Variants in TSHZ2 observed in about 807,000 individuals in gnomAD.
The protein encoded by TSHZ2 is teashirt zinc finger homeobox 2.
TSHZ2 carries 21 observed loss-of-function variants against 74.4 expected under a neutral mutation model. That is an observed-to-expected ratio of 0.28 (90% CI 0.20 to 0.41). TSHZ2 has a LOEUF of 0.41. Among genes scored for constraint, TSHZ2 ranks in the 10% least tolerant of loss-of-function variants. The pLI, the probability that TSHZ2 is intolerant of heterozygous loss-of-function variation, is 1.00. For missense variants in TSHZ2, 1,244 were observed against 1,293.5 expected, an observed-to-expected ratio of 0.96 and a Z score of 0.59; for synonymous variants, 540 against 515.3, an observed-to-expected ratio of 1.05 and a Z score of -0.65.
intron 1 of TSHZ2, among the ~76,000 whole-genome samples, chr20:53,026,664 A>G (rs781061789): frequency 3.4e-4 from 51 of 152,190 alleles, no homozygotes; most frequent in Non-Finnish European, 6.0e-4. Flanking sequence ...TCACATCCAC[A>G]CATGGTATGC....
chr20:53,265,032 C>G (rs1990683332), intron 2 of TSHZ2, among the ~76,000 whole-genome samples: 1 of 152,142 alleles, frequency 6.6e-6, no homozygotes, highest in African/African-American at 2.4e-5. Context: ...CGAGAGCAGG[C>G]CTGGTGGATC....
At chr20:53,250,346 C>G (rs1375502365) in intron 1 of TSHZ2, among the ~76,000 whole-genome samples, 2 of 152,200 alleles carry the variant, frequency 1.3e-5, no homozygotes, top group Admixed American at 1.3e-4. Context: ...GTCATCAATA[C>G]AGAGAGAGAC....
At chr20:52,979,246 C>T (rs575739992) in intron 1 of TSHZ2, among the ~76,000 whole-genome samples, 4 of 151,718 alleles carry the variant, frequency 2.6e-5, no homozygotes, top group African/African-American at 7.3e-5. Flanking sequence ...CTGAGAAGAA[C>T]GTTTAGAGAT....
At chr20:53,381,736 C>T (rs117749005) in intron 2 of TSHZ2, among the ~76,000 whole-genome samples, 6 of 152,228 alleles carry the variant, frequency 3.9e-5, no homozygotes, top group African/African-American at 9.6e-5. Context: ...GAGAAATTGG[C>T]GATTTGTCTG....
chr20:53,114,138 C>T (rs1986607804), intron 1 of TSHZ2, among the ~76,000 whole-genome samples: 2 of 151,658 alleles, frequency 1.3e-5, no homozygotes, highest in Admixed American at 1.3e-4. Flanking sequence ...GGTCCATACA[C>T]ATTTCTGGAG....
At chr20:53,187,166 C>T (rs1358281862) in intron 1 of TSHZ2, among the ~76,000 whole-genome samples, 1 of 152,110 alleles carries the variant, frequency 6.6e-6, no homozygotes, top group Non-Finnish European at 1.5e-5. Flanking sequence ...GGCTACACAT[C>T]GCTGGTGAAA....
intron 1 of TSHZ2, among the ~76,000 whole-genome samples, chr20:53,057,869 C>T (rs1984692766): frequency 6.6e-6 from 1 of 152,136 alleles, no homozygotes; most frequent in African/African-American, 2.4e-5. Flanking sequence ...GATTTGAGGA[C>T]ATGGACAGAA....
At chr20:53,106,977 C>T (rs933229610) in intron 1 of TSHZ2, among the ~76,000 whole-genome samples, 6 of 152,278 alleles carry the variant, frequency 3.9e-5, no homozygotes, top group Non-Finnish European at 5.9e-5. Context: ...GGATTACAGG[C>T]GTGAGCCACC....
At chr20:53,091,242 T>C (rs560902026) in intron 1 of TSHZ2, among the ~76,000 whole-genome samples, 11 of 152,362 alleles carry the variant, frequency 7.2e-5, no homozygotes, top group Admixed American at 2.0e-4. Context: ...AGTGAGTTTA[T>C]GTAAAGCCTG....
chr20:53,116,706 C>G (rs569305279), intron 1 of TSHZ2, among the ~76,000 whole-genome samples: 61 of 152,218 alleles, frequency 4.0e-4, no homozygotes, highest in Non-Finnish European at 6.5e-4. Flanking sequence ...TACTTGAGAC[C>G]CTATGTCCTC....
intron 1 of TSHZ2, among the ~76,000 whole-genome samples, chr20:53,221,222 C>A (rs567880792): frequency 1.3e-4 from 9 of 67,902 alleles, no homozygotes; most frequent in South Asian, 8.8e-4. Flanking sequence ...ATTGTGAGGC[C>A]CCCCCCGCCA....
At chr20:53,111,606 CT>C (rs1986536478) in intron 1 of TSHZ2, among the ~76,000 whole-genome samples, 1 of 152,194 alleles carries the variant, frequency 6.6e-6, no homozygotes, top group Admixed American at 6.5e-5. Flanking sequence ...TCCAGCACAT[CT>C]GCAGAGAAGA....
In TSHZ2 at chr20:53,494,788, A is replaced by G. The variant is rs942619198; in HGVS notation, c.*7653A>G. 6.6e-6 allele frequency: 1 copy of G among 152,030 alleles called. No homozygotes were observed. The highest frequency in any genetic ancestry group is 6.5e-5 in the Admixed American group (1 of 15,270). 9.4% of individuals were successfully genotyped at this position (152,030 alleles called of 1,614,324 possible). A position where few individuals can be genotyped will look rare whatever the true frequency, so the allele number is the denominator to read the frequency against. On this transcript the variant is annotated 3_prime_UTR_variant, in exon 3 of 3. Coordinates refer to ENST00000371497, the MANE Select transcript of TSHZ2 (RefSeq NM_173485.6). ...GATTTCCATCAAAAAGGTTTCTATA[A>G]GTATATTATTTACATTTTTATACAT...
chr20:53,366,973 T>G (rs577046506), intron 2 of TSHZ2, among the ~76,000 whole-genome samples: 5 of 152,198 alleles, frequency 3.3e-5, no homozygotes, highest in Non-Finnish European at 5.9e-5. Context: ...TCGAGGGCAT[T>G]GCCGTTTTCA....
At chr20:53,184,267 C>T (rs1988549538) in intron 1 of TSHZ2, among the ~76,000 whole-genome samples, 1 of 152,164 alleles carries the variant, frequency 6.6e-6, no homozygotes, top group South Asian at 2.1e-4. Flanking sequence ...ATTCAATCAA[C>T]AAATATTTGC....
chr20:53,449,686 C>T (rs1357770299), intron 2 of TSHZ2, among the ~76,000 whole-genome samples: 1 of 152,102 alleles, frequency 6.6e-6, no homozygotes, highest in Non-Finnish European at 1.5e-5. Flanking sequence ...ATATTAAAAT[C>T]CTACCCCCTT....
At chr20:53,359,410 A>G (rs1315623859) in intron 2 of TSHZ2, among the ~76,000 whole-genome samples, 1 of 152,206 alleles carries the variant, frequency 6.6e-6, no homozygotes, top group African/African-American at 2.4e-5. Context: ...GTGATTCTCA[A>G]ATCAAAAAAT....
At chr20:53,064,689 A>AACATAC (rs1555821097) in intron 1 of TSHZ2, among the ~76,000 whole-genome samples, 5 of 150,740 alleles carry the variant, frequency 3.3e-5, no homozygotes, top group African/African-American at 1.2e-4. Context: ...TAGACAGAGA[A>AACATAC]ACACACACAC....
At chr20:53,297,014 CATG>C (rs1279012142) in intron 2 of TSHZ2, among the ~76,000 whole-genome samples, 1 of 152,204 alleles carries the variant, frequency 6.6e-6, no homozygotes. Context: ...GAGAAAGTCA[CATG>C]ATATTTACAT....
Sources: allele counts gnomAD v4.1 joint callset (sites outside exome capture counted in the v4.1 genomes callset), GRCh38; gene constraint gnomAD v4.1.1; transcripts MANE v1.5; gene names NCBI Gene and HGNC (gene_info 2026-07-23, HGNC 2026-07-21).